RC3H1: variants seen among roughly 807,000 people sequenced by gnomAD.
RC3H1 encodes the protein ring finger and CCCH-type domains 1.
A neutral mutation model predicts 138.2 loss-of-function variants in RC3H1; 50 were observed. The ratio of observed to expected loss-of-function variants is 0.36; its 90% CI spans 0.29 to 0.46. The LOEUF (loss-of-function observed/expected upper bound fraction) is 0.46, where lower values mean the gene tolerates loss of function less well. Among genes scored for constraint, RC3H1 ranks in the 20% least tolerant of loss-of-function variants. The pLI is 1.00. For synonymous variants in RC3H1, 462 were observed against 489.1 expected, an observed-to-expected ratio of 0.94 and a Z score of 0.73; for missense variants, 1,031 against 1,388.1, an observed-to-expected ratio of 0.74 and a Z score of 4.09.
At chr1:173,967,173 T>C (rs1289457329) in intron 9 of RC3H1, among the ~76,000 whole-genome samples, 1 of 151,898 alleles carries the variant, frequency 6.6e-6, no homozygotes, top group Admixed American at 6.6e-5. Context: ...ATACAAAAAT[T>C]AGCTGGGCAT....
Position 173,947,570 on chromosome 1 carries a change from T to TA in RC3H1, c.2535dup (p.Lys846Ter). On this transcript the variant is annotated frameshift_variant, in exon 15 of 20. Coordinates refer to ENST00000367696, the MANE Select transcript of RC3H1 (RefSeq NM_172071.4). LOFTEE classifies it high-confidence loss of function. ...TCTAATCGCTGGTCCCTCATTCCTT[T>TA]ACTCTCCACATTCTGATAAAAAAGC... 1 of 1,613,928 alleles carries TA rather than the reference T, an allele frequency of 6.2e-7. No individual in the cohort carries two copies. The highest frequency in any genetic ancestry group is 8.5e-7 in the Non-Finnish European group (1 of 1,179,910).
chr1:173,973,353 T>C (rs1008027269), intron 7 of RC3H1, among the ~76,000 whole-genome samples: 1 of 152,036 alleles, frequency 6.6e-6, no homozygotes, highest in African/African-American at 2.4e-5. Flanking sequence ...CTGGCCAGCA[T>C]TGTGAAACCC....
intron 1 of RC3H1, among the ~76,000 whole-genome samples, chr1:173,994,796 C>CAAAAAAAA (rs984715226): frequency 1.5e-5 from 1 of 67,156 alleles, no homozygotes; most frequent in South Asian, 5.3e-4. Flanking sequence ...GACCCCATCT[C>CAAAAAAAA]AAAAAAAAAA....
At chr1:173,949,129 T>TGGGG (rs34983635) in intron 14 of RC3H1, among the ~76,000 whole-genome samples, 9 of 75,826 alleles carry the variant, frequency 1.2e-4, no homozygotes, top group African/African-American at 3.4e-4. Context: ...TCTATTTTTT[T>TGGGG]GGGGGGGGGG....
chr1:173,961,348 C>A (rs1435136235), intron 12 of RC3H1, 104 bp from the exon 13 acceptor site: 12 of 1,000,324 alleles, frequency 1.2e-5, no homozygotes, highest in Non-Finnish European at 1.7e-5. Flanking sequence ...GCTTGTATAC[C>A]CTTCTTAACA....
chr1:173,987,518 C>T (rs1410279565), intron 2 of RC3H1, among the ~76,000 whole-genome samples: 5 of 152,108 alleles, frequency 3.3e-5, no homozygotes, highest in South Asian at 2.1e-4. Flanking sequence ...CTATACTTTC[C>T]AGTGCTACAA....
At position 173,936,926 on chromosome 1, in the gene RC3H1, G is replaced by A. The variant is rs1658630301; in HGVS notation, c.*1795C>T. On this transcript the variant is annotated 3_prime_UTR_variant, in exon 20 of 20. Coordinates refer to ENST00000367696, the MANE Select transcript of RC3H1 (RefSeq NM_172071.4). Reference sequence around the variant, plus strand: ...TTAAAACATACCCAATATATATACAGATATAGCTATGTATATATGTATATA... The same window carrying A: ...TTAAAACATACCCAATATATATACAAATATAGCTATGTATATATGTATATA... The A allele has an allele frequency of 6.9e-6, 1 of 145,622 alleles. No homozygotes were observed. The highest frequency in any genetic ancestry group is 2.5e-5 in the African/African-American group (1 of 40,224). The allele number at this position is 145,622 out of a possible 1,614,324, so 9.0% of individuals were successfully genotyped here.
At chr1:173,977,963 C>T (rs1314077908) in intron 7 of RC3H1, among the ~76,000 whole-genome samples, 1 of 152,056 alleles carries the variant, frequency 6.6e-6, no homozygotes, top group African/African-American at 2.4e-5. Context: ...TAGGAATAAA[C>T]ACAGAGAAGC....
intron 3 of RC3H1, among the ~76,000 whole-genome samples, 162 bp downstream of exon 3, chr1:173,984,337 G>C (rs1329388937): frequency 6.6e-6 from 1 of 152,090 alleles, no homozygotes; most frequent in South Asian, 2.1e-4. Context: ...AATTTTTATG[G>C]TAACAAGTCT....
intron 9 of RC3H1, among the ~76,000 whole-genome samples, chr1:173,967,710 T>C (rs1660181755): frequency 6.6e-6 from 1 of 152,236 alleles, no homozygotes; most frequent in African/African-American, 2.4e-5. Context: ...TGTTAGGATA[T>C]CAGCCCTCTG....
At chr1:173,968,237 A>C (rs992802850) in intron 9 of RC3H1, among the ~76,000 whole-genome samples, 6 of 152,226 alleles carry the variant, frequency 3.9e-5, no homozygotes, top group Admixed American at 6.5e-5. Context: ...CAGAATTTTC[A>C]GAATTTTCCT....
At chr1:174,013,712 C>T (rs938167669) in intron 1 of RC3H1, among the ~76,000 whole-genome samples, 2 of 151,744 alleles carry the variant, frequency 1.3e-5, no homozygotes. Context: ...GGATTACAGG[C>T]GTGAGCCACC....
chr1:173,997,414 T>C (rs1661482539), intron 1 of RC3H1, among the ~76,000 whole-genome samples: 1 of 152,212 alleles, frequency 6.6e-6, no homozygotes, highest in Non-Finnish European at 1.5e-5. Flanking sequence ...TGTCCTAATA[T>C]TATTAATCTT....
At position 173,983,987 on chromosome 1, in the gene RC3H1, G is replaced by C. The variant is rs527779046; in HGVS notation, c.353-330C>G. 5.9e-5 allele frequency among the ~76,000 whole-genome samples: 9 copies of C among 152,268 alleles called. No homozygotes were observed. The East Asian group carries it at 1.5e-3, about 26-fold the overall frequency. On this transcript the variant is annotated intron_variant, in intron 3 of 19. Transcript: ENST00000367696. ...TATAATGTAAATCTTGAAGTCCTAAGAGTTCTGGTATATTATTTGACAGTG... is the reference window on the plus strand; with the variant it reads ...TATAATGTAAATCTTGAAGTCCTAACAGTTCTGGTATATTATTTGACAGTG...
At chr1:173,959,835 G>A (rs1659792850) in intron 13 of RC3H1, among the ~76,000 whole-genome samples, 1 of 151,946 alleles carries the variant, frequency 6.6e-6, no homozygotes, top group Non-Finnish European at 1.5e-5. Flanking sequence ...GCCCGGCGTG[G>A]TGTCTCATGC....
At position 174,018,576 on chromosome 1, in the gene RC3H1, T is replaced by C. The variant is rs1483091092; in HGVS notation, c.-151+3520A>G. Among the ~76,000 whole-genome samples, 7 of 152,162 alleles carry C rather than the reference T, an allele frequency of 4.6e-5. No homozygotes were observed. The South Asian group carries it at 1.4e-3, about 32-fold the overall frequency. ...ACAAAATTAATCTTTTATCATAACC[T>C]CTAAAGCTAGTCCAAATCCAGCCTA... On this transcript the variant is annotated intron_variant, in intron 1 of 19. Transcript: ENST00000367696.
At chr1:173,988,544 T>G (rs949611893) in intron 2 of RC3H1, among the ~76,000 whole-genome samples, 4 of 152,220 alleles carry the variant, frequency 2.6e-5, no homozygotes, top group African/African-American at 9.6e-5. Context: ...TTATAAATAG[T>G]CATGTGAGGG....
At chr1:173,984,742 T>C in intron 2 of RC3H1, 123 bp from the exon 3 acceptor site, 1 of 969,520 alleles carries the variant, frequency 1.0e-6, no homozygotes, top group South Asian at 1.9e-5. Context: ...TTTACTGAAT[T>C]CTTTCAAAAG....
chr1:174,022,059 GC>G lies in RC3H1; in HGVS notation c.-151+36del. ...CCCGACTGAGGCCCCGGCCGCGGCA[GC>G]CCCGCTCCCCAAGTCGCCGCCCGCC... is the stretch of plus-strand genomic sequence containing the variant. On this transcript the variant is annotated intron_variant, in intron 1 of 19. Coordinates refer to ENST00000367696, the MANE Select transcript of RC3H1 (RefSeq NM_172071.4). The surrounding 1 kb of genome is among the most constrained non-coding windows in gnomAD (Gnocchi z 4.2). The G allele has an allele frequency of 2.5e-6, 1 of 395,716 alleles. No individual in the cohort carries two copies. The allele number at this position is 395,716 out of a possible 1,614,324, so 24.5% of individuals were successfully genotyped here.
Sources: allele counts gnomAD v4.1 joint callset (sites outside exome capture counted in the v4.1 genomes callset), GRCh38; gene constraint gnomAD v4.1.1; non-coding constraint Gnocchi (gnomAD v3.1); transcripts MANE v1.5; gene names NCBI Gene and HGNC (gene_info 2026-07-23, HGNC 2026-07-21).